ADAMTS12: variants seen among roughly 807,000 people sequenced by gnomAD.
ADAMTS12 encodes the protein ADAM metallopeptidase with thrombospondin type 1 motif 12, also known as A disintegrin and metalloproteinase with thrombospondin motifs 12.
A neutral mutation model predicts 167.8 loss-of-function variants in ADAMTS12; 118 were observed. The ratio of observed to expected loss-of-function variants is 0.70; its 90% CI spans 0.61 to 0.82. The LOEUF is 0.82. Among genes scored for constraint, ADAMTS12 ranks in the 40% least tolerant of loss-of-function variants. The pLI is 0.00. For missense variants in ADAMTS12, 1,916 were observed against 1,998.8 expected (o/e 0.96, Z 0.79); for synonymous variants, 704 against 716.9 (o/e 0.98, Z 0.29).
intron 19 of ADAMTS12, among the ~76,000 whole-genome samples, chr5:33,571,318 T>C (rs963002129): frequency 3.9e-5 from 6 of 152,062 alleles, no homozygotes; most frequent in African/African-American, 1.2e-4. Flanking sequence ...ACACCACACC[T>C]ATTCCAAAAT....
intron 18 of ADAMTS12, 112 bp downstream of exon 18, chr5:33,588,487 C>A: frequency 3.1e-6 from 4 of 1,280,320 alleles, no homozygotes; most frequent in Non-Finnish European, 3.4e-6. Context: ...GTGATGAACA[C>A]TGGCTATTTT....
chr5:33,815,719 G>C (rs544958710), intron 2 of ADAMTS12, among the ~76,000 whole-genome samples: 1 of 152,164 alleles, frequency 6.6e-6, no homozygotes, highest in Non-Finnish European at 1.5e-5. Context: ...AGAGAGGAGC[G>C]CATAGTCCTG....
intron 3 of ADAMTS12, among the ~76,000 whole-genome samples, chr5:33,734,867 G>A (rs1472779330): frequency 6.6e-6 from 1 of 152,084 alleles, no homozygotes; most frequent in Admixed American, 6.5e-5. Context: ...ACCCTGACAG[G>A]GTCTGTAACT....
chr5:33,525,581 T>C lies in ADAMTS12; in HGVS notation c.*1607A>G, dbSNP rs1579618616. The stretch of plus-strand genomic sequence containing the variant: ...ACACTTACCCATTTGTATGCCTATC[T>C]ATGTTTACATTAATTCTGCCACCAT... On this transcript the variant is annotated 3_prime_UTR_variant, in exon 24 of 24. Transcript: ENST00000504830. The C allele has an allele frequency of 6.6e-6, 1 of 152,258 alleles. No individual in the cohort carries two copies. The highest frequency in any genetic ancestry group is 1.9e-4 in the East Asian group (1 of 5,208). 9.4% of individuals were successfully genotyped at this position (152,258 alleles called of 1,614,324 possible). A position where few individuals can be genotyped will look rare whatever the true frequency, so the allele number is the denominator to read the frequency against.
intron 2 of ADAMTS12, among the ~76,000 whole-genome samples, chr5:33,773,703 C>T (rs1745821896): frequency 6.6e-6 from 1 of 152,268 alleles, no homozygotes; most frequent in East Asian, 1.9e-4. Context: ...ATGTTGAATG[C>T]CTTCTCTCCA....
Position 33,714,880 on chromosome 5 carries a change from G to A in ADAMTS12, c.635-30825C>T, listed in dbSNP as rs151317934. Among the ~76,000 whole-genome samples the A allele has an allele frequency of 2.9e-4, 44 of 152,102 alleles. 1 individual carries two copies. Among genetic ancestry groups the A allele is most frequent in the East Asian group, 1.9e-4 (1 of 5,172 alleles). On this transcript the variant is annotated intron_variant, in intron 3 of 23. Transcript: ENST00000504830. Reference sequence around the variant, plus strand: ...ATAGAAGGATTAAGTTCTAGGGTTCGATAGCATAGTTTGGTGACTACAGTT... The same window carrying A: ...ATAGAAGGATTAAGTTCTAGGGTTCAATAGCATAGTTTGGTGACTACAGTT...
chr5:33,717,026 G>C (rs904549885), intron 3 of ADAMTS12, among the ~76,000 whole-genome samples: 5 of 152,160 alleles, frequency 3.3e-5, no homozygotes, highest in African/African-American at 1.2e-4. Flanking sequence ...CATGCATACA[G>C]TAACAATTTT....
At chr5:33,621,959 A>T (rs535792393) in intron 14 of ADAMTS12, among the ~76,000 whole-genome samples, 4 of 152,248 alleles carry the variant, frequency 2.6e-5, no homozygotes, top group Non-Finnish European at 4.4e-5. Flanking sequence ...TTGTGAGATA[A>T]TTGGAATCTT....
At chr5:33,632,466 C>T (rs577179560) in intron 12 of ADAMTS12, among the ~76,000 whole-genome samples, 1 of 152,028 alleles carries the variant, frequency 6.6e-6, no homozygotes, top group African/African-American at 2.4e-5. Context: ...AGAAAACCAA[C>T]TGATTTCATA....
intron 10 of ADAMTS12, among the ~76,000 whole-genome samples, chr5:33,642,874 A>G (rs1740515916): frequency 6.6e-6 from 1 of 152,166 alleles, no homozygotes; most frequent in African/African-American, 2.4e-5. Context: ...AACCCAGCCT[A>G]GAGGATATCA....
At chr5:33,545,996 A>T in intron 22 of ADAMTS12, 63 bp downstream of exon 22, 1 of 1,527,270 alleles carries the variant, frequency 6.5e-7, no homozygotes, top group Admixed American at 2.2e-5. Context: ...GGTACCCTAG[A>T]ACTTAAAGTA....
intron 2 of ADAMTS12, among the ~76,000 whole-genome samples, chr5:33,809,983 G>A (rs75575859): frequency 1.5e-3 from 174 of 117,936 alleles, no homozygotes; most frequent in South Asian, 1.7e-3. Flanking sequence ...AAGTTTAACA[G>A]AAAAAAAAAA....
intron 14 of ADAMTS12, among the ~76,000 whole-genome samples, chr5:33,621,571 G>A (rs1739333782): frequency 6.6e-6 from 1 of 152,002 alleles, no homozygotes; most frequent in East Asian, 1.9e-4. Flanking sequence ...GGCATATTTG[G>A]TCTCCAGTCT....
rs1375382987 is a variant in ADAMTS12, at chr5:33,631,023, C to G, written c.1889-110G>C. 9.0e-6 allele frequency: 12 copies of G among 1,333,518 alleles called. No homozygotes were observed. In the Middle Eastern group the frequency reaches 1.1e-3, roughly 120 times the overall value. The allele number at this position is 1,333,518 out of a possible 1,614,324, so 82.6% of individuals were successfully genotyped here. Reference sequence around the variant, plus strand: ...CCAAGTGTCATTTACTCTGGCAATCCCACCTTTTCACCTCCTTGAGACACA... The same window carrying G: ...CCAAGTGTCATTTACTCTGGCAATCGCACCTTTTCACCTCCTTGAGACACA... On this transcript the variant is annotated intron_variant, in intron 12 of 23. Transcript: ENST00000504830.
intron 3 of ADAMTS12, among the ~76,000 whole-genome samples, chr5:33,746,234 T>G: frequency 6.6e-6 from 1 of 152,174 alleles, no homozygotes; most frequent in East Asian, 1.9e-4. Flanking sequence ...ACTGAGTACA[T>G]GTTAAACTCA....
chr5:33,575,920 T>G (rs1056742753), intron 19 of ADAMTS12, 134 bp downstream of exon 19: 28 of 1,284,432 alleles, frequency 2.2e-5, no homozygotes, highest in Non-Finnish European at 2.6e-5. Flanking sequence ...GGGGAGGGCA[T>G]GGGTCTGATT....
chr5:33,842,617 T>C (rs1487559068), intron 2 of ADAMTS12, among the ~76,000 whole-genome samples: 3 of 152,180 alleles, frequency 2.0e-5, no homozygotes, highest in East Asian at 3.9e-4. Context: ...TAAGGAACTA[T>C]TGAGGAAACG....
At chr5:33,621,260 C>T (rs1381687966) in intron 14 of ADAMTS12, among the ~76,000 whole-genome samples, 3 of 151,902 alleles carry the variant, frequency 2.0e-5, no homozygotes, top group Non-Finnish European at 4.4e-5. Flanking sequence ...ATTAGCCAGG[C>T]GTGGTGTCAC....
chr5:33,705,371 A>G (rs1045984162), intron 3 of ADAMTS12, among the ~76,000 whole-genome samples: 1 of 151,648 alleles, frequency 6.6e-6, no homozygotes, highest in Non-Finnish European at 1.5e-5. Flanking sequence ...CCCAATTTTT[A>G]AATGGATTGT....
Sources: allele counts gnomAD v4.1 joint callset (sites outside exome capture counted in the v4.1 genomes callset), GRCh38; gene constraint gnomAD v4.1.1; transcripts MANE v1.5; gene names NCBI Gene and HGNC (gene_info 2026-07-23, HGNC 2026-07-21).